ARHGAP15: variants seen among roughly 807,000 people sequenced by gnomAD.
ARHGAP15 encodes Rho GTPase activating protein 15, also known as rho GTPase-activating protein 15.
A neutral mutation model predicts 63.7 loss-of-function variants in ARHGAP15; 51 were observed. The observed-to-expected ratio is 0.80, with a 90% CI of 0.64 to 1.01. The LOEUF is 1.01. ARHGAP15 is among the 50% of genes least tolerant of loss of function. ARHGAP15 has a pLI of 0.00. For synonymous variants in ARHGAP15, 191 were observed against 193.8 expected, an observed-to-expected ratio of 0.99 and a Z score of 0.12; for missense variants, 560 against 564.6, an observed-to-expected ratio of 0.99 and a Z score of 0.08.
At chr2:143,435,576 C>G (rs370720541) in intron 6 of ARHGAP15, 25 bp from the exon 7 acceptor site, 2 of 1,361,676 alleles carry the variant, frequency 1.5e-6, no homozygotes, top group Admixed American at 3.3e-5. Flanking sequence ...CTGTCTATTT[C>G]TTTTTCTTTT....
At chr2:143,271,452 A>T (rs1039302381) in intron 6 of ARHGAP15, among the ~76,000 whole-genome samples, 1 of 152,116 alleles carries the variant, frequency 6.6e-6, no homozygotes, top group Non-Finnish European at 1.5e-5. Flanking sequence ...ACCCAGGTTG[A>T]TATATGGTTG....
At chr2:143,694,147 T>A (rs1037567179) in intron 12 of ARHGAP15, among the ~76,000 whole-genome samples, 4 of 151,936 alleles carry the variant, frequency 2.6e-5, no homozygotes, top group African/African-American at 9.7e-5. Context: ...ACTTCAAAAA[T>A]TAAAGGCGTG....
chr2:143,675,483 C>T (rs1682779507), intron 12 of ARHGAP15, among the ~76,000 whole-genome samples: 1 of 152,156 alleles, frequency 6.6e-6, no homozygotes, highest in Non-Finnish European at 1.5e-5. Flanking sequence ...CTATGGCAGC[C>T]ATAGCCTTAT....
intron 1 of ARHGAP15, among the ~76,000 whole-genome samples, chr2:143,138,021 C>A (rs1689214562): frequency 6.6e-6 from 1 of 152,062 alleles, no homozygotes; most frequent in African/African-American, 2.4e-5. Context: ...TCAGTGGTGT[C>A]TCAAGCACTG....
chr2:143,379,372 C>T (rs1558931904), intron 6 of ARHGAP15, among the ~76,000 whole-genome samples: 1 of 150,052 alleles, frequency 6.7e-6, no homozygotes, highest in Non-Finnish European at 1.5e-5. Flanking sequence ...TGTGTGTATA[C>T]ATTTGCCTGT....
intron 6 of ARHGAP15, among the ~76,000 whole-genome samples, chr2:143,412,384 G>C (rs528883345): frequency 2.0e-5 from 3 of 148,160 alleles, no homozygotes; most frequent in Non-Finnish European, 4.5e-5. Flanking sequence ...TATATATAAT[G>C]GTGATATTTG....
chr2:143,584,607 C>T (rs1697035592), intron 11 of ARHGAP15, among the ~76,000 whole-genome samples: 1 of 152,136 alleles, frequency 6.6e-6, no homozygotes, highest in South Asian at 2.1e-4. Context: ...GTCTGGGCAA[C>T]AGAACAAGAC....
intron 6 of ARHGAP15, among the ~76,000 whole-genome samples, chr2:143,274,312 A>G (rs1348518977): frequency 6.6e-6 from 1 of 152,172 alleles, no homozygotes; most frequent in Admixed American, 6.5e-5. Flanking sequence ...GTTTCCACAG[A>G]GAAAAAAAAA....
At chr2:143,292,231 T>C (rs1682436283) in intron 6 of ARHGAP15, among the ~76,000 whole-genome samples, 1 of 152,150 alleles carries the variant, frequency 6.6e-6, no homozygotes, top group Non-Finnish European at 1.5e-5. Flanking sequence ...TAACAGAATA[T>C]TATAAAAGGA....
intron 13 of ARHGAP15, among the ~76,000 whole-genome samples, chr2:143,743,800 A>G (rs1397751769): frequency 6.6e-6 from 1 of 152,176 alleles, no homozygotes; most frequent in East Asian, 1.9e-4. Flanking sequence ...AGAGTAATCA[A>G]AACACGGAAA....
intron 6 of ARHGAP15, among the ~76,000 whole-genome samples, chr2:143,433,372 A>G (rs571745267): frequency 1.3e-5 from 2 of 152,208 alleles, no homozygotes; most frequent in African/African-American, 4.8e-5. Flanking sequence ...TCGAAAGATT[A>G]GTGGGAAGAC....
chr2:143,688,800 GAGAAAAGTGTT>G (rs1683463795), intron 12 of ARHGAP15, among the ~76,000 whole-genome samples: 1 of 152,140 alleles, frequency 6.6e-6, no homozygotes. Context: ...AGGATTTAGT[GAGAAAAGTGTT>G]AGGAAAGACT....
chr2:143,338,378 TG>T (rs1684902108), intron 6 of ARHGAP15, among the ~76,000 whole-genome samples: 1 of 152,160 alleles, frequency 6.6e-6, no homozygotes, highest in Non-Finnish European at 1.5e-5. Flanking sequence ...TCAGATTCAA[TG>T]GTTCTTTGTA....
chr2:143,437,820 T>G (rs963181249), intron 8 of ARHGAP15, among the ~76,000 whole-genome samples: 8 of 151,994 alleles, frequency 5.3e-5, no homozygotes, highest in African/African-American at 1.9e-4. Context: ...GGTCAGGAGC[T>G]CGAGATCATC....
intron 6 of ARHGAP15, among the ~76,000 whole-genome samples, chr2:143,337,917 T>G (rs1206248960): frequency 6.6e-6 from 1 of 152,194 alleles, no homozygotes; most frequent in East Asian, 1.9e-4. Context: ...AAGGTTTTCT[T>G]CTTGATATAG....
chr2:143,276,800 TAAAAAAC>T (rs1304385642), intron 6 of ARHGAP15, among the ~76,000 whole-genome samples: 5 of 152,098 alleles, frequency 3.3e-5, no homozygotes, highest in Admixed American at 3.3e-4. Flanking sequence ...TTTTGTCTCT[TAAAAAAC>T]AAAACAAAAA....
At chr2:143,230,893 C>G (rs1693406749) in intron 5 of ARHGAP15, among the ~76,000 whole-genome samples, 1 of 152,136 alleles carries the variant, frequency 6.6e-6, no homozygotes, top group African/African-American at 2.4e-5. Flanking sequence ...AAAAAGTCTG[C>G]CCTTTCCTCC....
At chr2:143,674,072 T>C (rs752512532) in intron 12 of ARHGAP15, among the ~76,000 whole-genome samples, 2 of 151,920 alleles carry the variant, frequency 1.3e-5, no homozygotes, top group Non-Finnish European at 2.9e-5. Flanking sequence ...GTACAATCAT[T>C]TTAGAAAAGC....
chr2:143,447,245 G>A (rs888332682), intron 8 of ARHGAP15, among the ~76,000 whole-genome samples: 5 of 152,118 alleles, frequency 3.3e-5, no homozygotes, highest in Admixed American at 6.6e-5. Context: ...AGAGAGTTAT[G>A]TAAATTCACT....
Sources: allele counts gnomAD v4.1 joint callset (sites outside exome capture counted in the v4.1 genomes callset), GRCh38; gene constraint gnomAD v4.1.1; transcripts MANE v1.5; gene names NCBI Gene and HGNC (gene_info 2026-07-23, HGNC 2026-07-21).